Variants in SYNE2 observed in about 807,000 individuals in gnomAD.
SYNE2 encodes spectrin repeat containing nuclear envelope protein 2, also known as nesprin-2.
A neutral mutation model predicts 856.3 loss-of-function variants in SYNE2; 431 were observed. The ratio of observed to expected loss-of-function variants is 0.50; its 90% CI spans 0.47 to 0.55. The LOEUF is 0.55. Among genes scored for constraint, SYNE2 ranks in the 20% least tolerant of loss-of-function variants. SYNE2 has a pLI of 0.00. For missense variants in SYNE2, 8,129 were observed against 8,023.2 expected (o/e 1.01, Z -0.50); for synonymous variants, 2,923 against 2,872.3 (o/e 1.02, Z -0.56).
rs192762377 is a variant in SYNE2, at chr14:63,942,358, G to A, written c.408+215G>A. ...TTTTGAGATGGAGTCTCGCTCTGTC[G>A]GCCAGGCTGGAGTGCCGTGGCGCAG... On this transcript the variant is annotated intron_variant, in intron 6 of 115. Transcript: ENST00000555002. 5.3e-5 allele frequency among the ~76,000 whole-genome samples: 8 copies of A among 152,178 alleles called. No homozygotes were observed. In the East Asian group the frequency reaches 1.4e-3, roughly 26 times the overall value.
chr14:63,978,862 A>G lies in SYNE2; in HGVS notation c.1417A>G (p.Ile473Val), dbSNP rs755692006. The change falls in exon 14 of 116, where the codon ATT (isoleucine) becomes GTT (valine). Residue 473 changes from isoleucine (I) to valine (V), a missense_variant. Ile to Val is a conservative substitution (Grantham distance 29). Coordinates refer to ENST00000555002, the MANE Select transcript of SYNE2 (RefSeq NM_182914.3). ...TGCACTGTTTTCCAGAATCAACAAC[A>G]TTTTGGAGAAAAAATTTATTCTACT... is the stretch of plus-strand genomic sequence containing the variant. Reference protein sequence around the residue: ...LEEMKRRINNILEKKFILLLE... With the variant: ...LEEMKRRINNVLEKKFILLLE... 4 of 1,612,722 alleles carry G rather than the reference A, an allele frequency of 2.5e-6. No individual in the cohort carries two copies. The Admixed American group carries it at 5.0e-5, about 20-fold the overall frequency.
intron 52 of SYNE2, among the ~76,000 whole-genome samples, chr14:64,073,743 T>C (rs2097432366): frequency 6.6e-6 from 1 of 152,186 alleles, no homozygotes; most frequent in Non-Finnish European, 1.5e-5. Context: ...AAGAGAGTAT[T>C]TGAGGCGAAA....
intron 1 of SYNE2, among the ~76,000 whole-genome samples, chr14:63,790,902 A>T (rs1437461761): frequency 2.0e-5 from 3 of 152,142 alleles, no homozygotes; most frequent in Non-Finnish European, 2.9e-5. Flanking sequence ...ATAGAAACAC[A>T]GTACAGAACA....
At position 64,167,213 on chromosome 14, in the gene SYNE2, C is replaced by G. The variant is rs531333400; in HGVS notation, c.16606-20C>G. 3.1e-6 allele frequency: 5 copies of G among 1,613,902 alleles called. No homozygotes were observed. In the East Asian group the frequency reaches 6.7e-5, roughly 22 times the overall value. ...TCTTATTGGCATCCAAAAACCTGTA[C>G]TTCAATTTTTTAAAAATAGAATCAT... is the stretch of plus-strand genomic sequence containing the variant. On this transcript the variant is annotated intron_variant, in intron 90 of 115. Coordinates refer to ENST00000555002, the MANE Select transcript of SYNE2 (RefSeq NM_182914.3).
intron 1 of SYNE2, among the ~76,000 whole-genome samples, chr14:63,837,946 C>G (rs1042302395): frequency 1.6e-5 from 2 of 122,292 alleles, no homozygotes; most frequent in East Asian, 4.6e-4. Flanking sequence ...AAAAAAAGAG[C>G]AAAGTATCTG....
At chr14:64,174,387 T>A (rs1453424425) in intron 94 of SYNE2, among the ~76,000 whole-genome samples, 1 of 151,556 alleles carries the variant, frequency 6.6e-6, no homozygotes, top group Non-Finnish European at 1.5e-5. Context: ...CTATTGTTTT[T>A]AAATTGTTTT....
intron 44 of SYNE2, 94 bp from the exon 45 acceptor site, chr14:64,030,922 T>A (rs1473571079): frequency 1.0e-6 from 1 of 990,218 alleles, no homozygotes; most frequent in South Asian, 1.4e-5. Flanking sequence ...TAAATATTTC[T>A]ACTGGTGAAG....
rs35509549 is a variant in SYNE2, at chr14:64,076,740, A to ATTTTTT, written c.11022+653_11022+658dup. ...TGTTTGGTCTGGTATCCACAGAAGG[A>ATTTTTT]TTTTTTTTTTTTTTTTTTGTCTAGA... On this transcript the variant is annotated intron_variant, in intron 54 of 115. Transcript: ENST00000555002. 3.9e-4 allele frequency among the ~76,000 whole-genome samples: 48 copies of ATTTTTT among 122,180 alleles called. No homozygotes were observed. The East Asian group carries it at 0.011, about 28-fold the overall frequency. The allele number at this position is 122,180 out of a possible 152,430, so 80.2% of individuals were successfully genotyped here.
chr14:63,873,582 G>T, intron 1 of SYNE2: 1 of 152,080 alleles, frequency 6.6e-6, no homozygotes. Context: ...TATAGAGATG[G>T]GGTTTCACTG....
intron 26 of SYNE2, among the ~76,000 whole-genome samples, chr14:63,998,701 A>G (rs1395751253): frequency 6.6e-6 from 1 of 152,138 alleles, no homozygotes. Flanking sequence ...AGCTGAGATT[A>G]TAGACACCCG....
intron 1 of SYNE2, among the ~76,000 whole-genome samples, chr14:63,822,391 A>T (rs1330472151): frequency 2.0e-5 from 3 of 152,106 alleles, no homozygotes; most frequent in African/African-American, 2.4e-5. Flanking sequence ...GAAAATCTCC[A>T]TTCCCAAGGC....
chr14:63,849,865 A>G (rs886134889), upstream of SYNE2, among the ~76,000 whole-genome samples: 3 of 152,162 alleles, frequency 2.0e-5, no homozygotes, highest in African/African-American at 7.2e-5. Flanking sequence ...GTGCAAGTAT[A>G]TGCGGAATGT....
chr14:63,874,964 G>A (rs1004690180), intron 1 of SYNE2, among the ~76,000 whole-genome samples: 6 of 152,134 alleles, frequency 3.9e-5, no homozygotes, highest in African/African-American at 1.4e-4. Flanking sequence ...TAGGAGACAA[G>A]CAGAGTTCTC....
chr14:64,143,371 T>C (rs1182072214), intron 82 of SYNE2, among the ~76,000 whole-genome samples: 2 of 152,162 alleles, frequency 1.3e-5, no homozygotes, highest in East Asian at 3.8e-4. Flanking sequence ...GTCCTGGGTT[T>C]TCTGAAAGAG....
At chr14:64,135,239 GT>G (rs1179216845) in intron 78 of SYNE2, among the ~76,000 whole-genome samples, 7 of 152,192 alleles carry the variant, frequency 4.6e-5, no homozygotes, top group African/African-American at 1.7e-4. Context: ...GCTAGAGGCA[GT>G]TATGAAATAT....
At chr14:63,827,961 G>A (rs1001253324) in intron 1 of SYNE2, among the ~76,000 whole-genome samples, 1 of 151,352 alleles carries the variant, frequency 6.6e-6, no homozygotes. Context: ...GGGAGGTTGA[G>A]GCAGGTGGAT....
At chr14:64,072,286 AC>A (rs1463687270) in intron 52 of SYNE2, among the ~76,000 whole-genome samples, 2 of 152,120 alleles carry the variant, frequency 1.3e-5, no homozygotes, top group African/African-American at 4.8e-5. Context: ...TTTTCTCTCT[AC>A]CCTTACACAC....
chr14:63,864,471 T>C (rs1595273316), intron 1 of SYNE2: 1 of 152,372 alleles, frequency 6.6e-6, no homozygotes, highest in Admixed American at 6.5e-5. Context: ...AACTGGAAGG[T>C]AAGCTTGTTC....
chr14:64,075,822 G>A (rs2153605812), intron 53 of SYNE2, 123 bp from the exon 54 acceptor site: 1 of 980,028 alleles, frequency 1.0e-6, no homozygotes, highest in East Asian at 2.4e-5. Flanking sequence ...TCACTAGTGG[G>A]GTTTTGTCAT....
Sources: gnomAD v4.1 joint callset for allele counts (sites outside exome capture counted in the v4.1 genomes callset) on GRCh38, gnomAD v4.1.1 for gene constraint, MANE v1.5 for transcripts, NCBI Gene and HGNC (gene_info 2026-07-23, HGNC 2026-07-21) for gene names.